The following PIK3CB variants were observed in gnomAD, a reference collection of about 807,000 sequenced individuals.
PIK3CB encodes the protein phosphatidylinositol 4,5-bisphosphate 3-kinase catalytic subunit beta isoform.
A neutral mutation model predicts 136.8 loss-of-function variants in PIK3CB; 39 were observed. That is an observed-to-expected ratio of 0.29 (90% CI 0.22 to 0.37). The LOEUF (loss-of-function observed/expected upper bound fraction) is 0.37. Ranked by LOEUF, PIK3CB falls within the 10% of genes least tolerant of loss-of-function variation. The probability of loss-of-function intolerance (pLI) is 1.00; values close to 1 mark genes in which losing one functional copy is unlikely to be tolerated. For synonymous variants in PIK3CB, 428 were observed against 436.6 expected (o/e 0.98, Z 0.25); for missense variants, 868 against 1,275.4 (o/e 0.68, Z 4.87).
At chr3:138,683,110 T>C (rs1266638607) in intron 18 of PIK3CB, among the ~76,000 whole-genome samples, 3 of 152,170 alleles carry the variant, frequency 2.0e-5, no homozygotes, top group Admixed American at 6.5e-5. Flanking sequence ...CCCAGCACTT[T>C]GAAAGGCCGG....
chr3:138,750,726 A>G lies in PIK3CB; in HGVS notation c.397+5028T>C, dbSNP rs79190046. 4.6e-3 allele frequency among the ~76,000 whole-genome samples: 695 copies of G among 152,320 alleles called. 3 individuals are homozygous for G. Among genetic ancestry groups the G allele is most frequent in the Non-Finnish European group, 7.7e-3 (527 of 68,028 alleles). On this transcript the variant is annotated intron_variant, in intron 4 of 23. Transcript: ENST00000674063. Reference sequence around the variant, plus strand: ...CAATACACCCCTTTCTATGCCCCCAACTGGCTCTGCTAACTACCATTCAAC... The same window carrying G: ...CAATACACCCCTTTCTATGCCCCCAGCTGGCTCTGCTAACTACCATTCAAC...
intron 4 of PIK3CB, among the ~76,000 whole-genome samples, chr3:138,754,674 C>T (rs971525242): frequency 1.1e-4 from 16 of 152,054 alleles, no homozygotes; most frequent in Admixed American, 3.3e-4. Flanking sequence ...TCAGAGTATC[C>T]CTTAGTAAAC....
Position 138,733,409 on chromosome 3 carries a change from T to C in PIK3CB, c.1002A>G (p.Gln334=). ...GTTTATTTCCCTTAACCAAGACAAT[T>C]TGGAAAGGGTTGTTATTTTCCCAAA... ...SHVWENNNPF[Q]IVLVKGNKLN... Residue 334 remains glutamine, a synonymous_variant, in exon 8 of 24, where the codon CAA becomes CAG. Transcript: ENST00000674063. 3.2e-6 allele frequency: 5 copies of C among 1,558,388 alleles called. No homozygotes were observed. Among genetic ancestry groups the C allele is most frequent in the Non-Finnish European group, 4.4e-6 (5 of 1,132,564 alleles).
chr3:138,772,783 C>CTTTT (rs776881626), intron 2 of PIK3CB, among the ~76,000 whole-genome samples: 3 of 112,216 alleles, frequency 2.7e-5, no homozygotes, highest in African/African-American at 7.2e-5. Flanking sequence ...TATTTATTCT[C>CTTTT]TTTTTTTTTT....
chr3:138,664,217 A>T (rs1368700176), intron 20 of PIK3CB, among the ~76,000 whole-genome samples, 188 bp from the exon 21 acceptor site: 2 of 151,992 alleles, frequency 1.3e-5, no homozygotes, highest in Non-Finnish European at 2.9e-5. Flanking sequence ...GGGCTGAGAG[A>T]GCTGCCTTCA....
At position 138,746,648 on chromosome 3, in the gene PIK3CB, G is replaced by A. The variant is rs140562385; in HGVS notation, c.398-3867C>T. On this transcript the variant is annotated intron_variant, in intron 4 of 23. Transcript: ENST00000674063. ...TGCACTCCAGCCTGGGTGACAGAGT[G>A]AGACTCCGTCTCAAAAATAAATAAA... 3.8e-3 allele frequency among the ~76,000 whole-genome samples: 576 copies of A among 152,070 alleles called. 5 individuals are homozygous for A. Among genetic ancestry groups the A allele is most frequent in the African/African-American group, 0.013 (553 of 41,506 alleles).
At chr3:138,811,064 T>C (rs1933021768) in intron 1 of PIK3CB, among the ~76,000 whole-genome samples, 2 of 148,884 alleles carry the variant, frequency 1.3e-5, no homozygotes, top group African/African-American at 5.0e-5. Context: ...CTGTTCCTAC[T>C]AAAAATACAA....
intron 1 of PIK3CB, among the ~76,000 whole-genome samples, chr3:138,831,099 G>A (rs1298272092): frequency 2.1e-5 from 3 of 143,694 alleles, no homozygotes; most frequent in Admixed American, 7.1e-5. Flanking sequence ...TGACTAACAC[G>A]GTGAAACCCC....
intron 2 of PIK3CB, among the ~76,000 whole-genome samples, chr3:138,782,585 C>T (rs2045934051): frequency 6.6e-6 from 1 of 152,148 alleles, no homozygotes; most frequent in Non-Finnish European, 1.5e-5. Context: ...GATACACATT[C>T]CAACTTCCTG....
chr3:138,831,819 G>A (rs1236063652), intron 1 of PIK3CB, among the ~76,000 whole-genome samples: 1 of 152,070 alleles, frequency 6.6e-6, no homozygotes, highest in African/African-American at 2.4e-5. Context: ...CAACTAATTT[G>A]GAGGCTGAGG....
chr3:138,765,993 A>G (rs562421629), intron 2 of PIK3CB, among the ~76,000 whole-genome samples: 21 of 152,016 alleles, frequency 1.4e-4, no homozygotes, highest in African/African-American at 4.8e-4. Context: ...AATAAAGTAA[A>G]AAATATTAAC....
At chr3:138,754,565 A>C (rs2045530554) in intron 4 of PIK3CB, among the ~76,000 whole-genome samples, 1 of 152,210 alleles carries the variant, frequency 6.6e-6, no homozygotes, top group Non-Finnish European at 1.5e-5. Context: ...TATAAGAAAA[A>C]ATTTTGTATG....
At position 138,792,045 on chromosome 3, in the gene PIK3CB, C is replaced by T. The variant is rs571251010; in HGVS notation, c.-17+4418G>A. 1.1e-3 allele frequency among the ~76,000 whole-genome samples: 174 copies of T among 152,062 alleles called. 1 individual carries two copies. The highest frequency in any genetic ancestry group is 4.0e-3 in the African/African-American group (168 of 41,506). ...AACTATGAATCGAAAATATTGGATG[C>T]GGGGCCAGGCCTGGTGGTGCATGCC... On this transcript the variant is annotated intron_variant, in intron 2 of 23. Coordinates refer to ENST00000674063, the MANE Select transcript of PIK3CB (RefSeq NM_006219.3).
At chr3:138,663,626 G>C (rs1219799042) in intron 21 of PIK3CB, among the ~76,000 whole-genome samples, 1 of 151,950 alleles carries the variant, frequency 6.6e-6, no homozygotes, top group Non-Finnish European at 1.5e-5. Context: ...AGGTAATCCG[G>C]CCGGCTCGGG....
chr3:138,771,552 T>C (rs2045800231), intron 2 of PIK3CB, among the ~76,000 whole-genome samples: 1 of 152,176 alleles, frequency 6.6e-6, no homozygotes, highest in Non-Finnish European at 1.5e-5. Flanking sequence ...GATTATTTAT[T>C]CCGAATTGCT....
At chr3:138,756,665 G>A in intron 3 of PIK3CB, among the ~76,000 whole-genome samples, 1 of 152,102 alleles carries the variant, frequency 6.6e-6, no homozygotes, top group South Asian at 2.1e-4. Context: ...CAAAAGCTAA[G>A]AGCTGAAAAT....
chr3:138,793,330 G>C (rs2046074020), intron 2 of PIK3CB, among the ~76,000 whole-genome samples: 1 of 152,214 alleles, frequency 6.6e-6, no homozygotes, highest in Non-Finnish European at 1.5e-5. Context: ...ACCTCGCTGG[G>C]CATGGTGGCT....
intron 1 of PIK3CB, among the ~76,000 whole-genome samples, chr3:138,833,293 C>T (rs184677984): frequency 1.3e-5 from 2 of 152,044 alleles, no homozygotes; most frequent in East Asian, 3.9e-4. Context: ...TGTCGAACTC[C>T]TGGAATCAAT....
chr3:138,739,152 AG>A (rs2045181829), intron 5 of PIK3CB, among the ~76,000 whole-genome samples: 1 of 152,106 alleles, frequency 6.6e-6, no homozygotes, highest in Admixed American at 6.6e-5. Flanking sequence ...TCCTTATAAA[AG>A]AGACCCCAGA....
Sources: gnomAD v4.1 joint callset for allele counts (sites outside exome capture counted in the v4.1 genomes callset) on GRCh38, gnomAD v4.1.1 for gene constraint, MANE v1.5 for transcripts, NCBI Gene and HGNC (gene_info 2026-07-23, HGNC 2026-07-21) for gene names.